The following SPATS2 variants were observed in gnomAD, a reference collection of about 807,000 sequenced individuals.
The protein encoded by SPATS2 is spermatogenesis associated serine rich 2, also known as spermatogenesis-associated serine-rich protein 2.
In SPATS2, 38 loss-of-function variants were observed where a neutral mutation model predicts 63.7. That is an observed-to-expected ratio of 0.60 (90% CI 0.46 to 0.78). The LOEUF (loss-of-function observed/expected upper bound fraction) is 0.78. Among genes scored for constraint, SPATS2 ranks in the 30% least tolerant of loss-of-function variants. The pLI, the probability that SPATS2 is intolerant of heterozygous loss-of-function variation, is 0.00. For synonymous variants in SPATS2, 207 were observed against 232.9 expected, an observed-to-expected ratio of 0.89 and a Z score of 1.01; for missense variants, 588 against 666.2, an observed-to-expected ratio of 0.88 and a Z score of 1.29.
At chr12:49,374,601 G>C (rs190858460) in intron 2 of SPATS2, among the ~76,000 whole-genome samples, 1 of 152,248 alleles carries the variant, frequency 6.6e-6, no homozygotes, top group East Asian at 1.9e-4. Flanking sequence ...TGCAGGGTCT[G>C]AGGATATAGA....
At chr12:49,490,486 A>G (rs74089525) in intron 5 of SPATS2, among the ~76,000 whole-genome samples, 196 bp from the exon 6 acceptor site, 13,236 of 152,196 alleles carry the variant, frequency 0.087, 644 homozygotes, top group African/African-American at 0.12. Flanking sequence ...GGAGGGGTCT[A>G]AGTAGGCAGG....
At chr12:49,489,382 T>C (rs1946347310) in intron 4 of SPATS2, 83 bp from the exon 5 acceptor site, 9 of 976,604 alleles carry the variant, frequency 9.2e-6, no homozygotes, top group Non-Finnish European at 1.2e-5. Context: ...GAAATATCAC[T>C]CTTTTCATTA....
At chr12:49,498,145 A>AAAATATATATATATATAT (rs66900382) in intron 8 of SPATS2, among the ~76,000 whole-genome samples, 57 of 98,936 alleles carry the variant, frequency 5.8e-4, no homozygotes, top group African/African-American at 2.3e-3. Flanking sequence ...AAAAAAAAAA[A>AAAATATATATATATATAT]ATATATATAT....
intron 3 of SPATS2, among the ~76,000 whole-genome samples, chr12:49,482,797 G>C (rs549719073): frequency 6.6e-5 from 10 of 151,706 alleles, no homozygotes; most frequent in African/African-American, 9.7e-5. Flanking sequence ...TTTGTTTTTT[G>C]TTTGTTTTTT....
intron 2 of SPATS2, among the ~76,000 whole-genome samples, chr12:49,426,045 A>G (rs1307107025): frequency 6.6e-6 from 1 of 152,244 alleles, no homozygotes; most frequent in Non-Finnish European, 1.5e-5. Context: ...CATAGTGGGA[A>G]GAGAAAAGCC....
At chr12:49,514,367 A>G in intron 9 of SPATS2, 188 bp from the exon 10 acceptor site, 2 of 548,130 alleles carry the variant, frequency 3.6e-6, no homozygotes, top group Non-Finnish European at 6.3e-6. Context: ...TATTTTATTT[A>G]TGGGAAAATC....
At chr12:49,497,627 C>G (rs962782785) in intron 8 of SPATS2, among the ~76,000 whole-genome samples, 2 of 152,052 alleles carry the variant, frequency 1.3e-5, no homozygotes, top group African/African-American at 4.8e-5. Context: ...ATCTCCTGAC[C>G]TCGTGATCCG....
intron 2 of SPATS2, among the ~76,000 whole-genome samples, chr12:49,413,676 T>A (rs1944838254): frequency 6.6e-6 from 1 of 152,170 alleles, no homozygotes; most frequent in Non-Finnish European, 1.5e-5. Context: ...AGGTCCAGGA[T>A]CTTGCTTTCT....
At chr12:49,500,237 T>G in intron 9 of SPATS2, 32 bp downstream of exon 9, 6 of 1,580,544 alleles carry the variant, frequency 3.8e-6, no homozygotes, top group Non-Finnish European at 5.1e-6. Context: ...ATCAGTAGCA[T>G]AAAAATGATC....
chr12:49,506,546 CA>C (rs1946657675), intron 9 of SPATS2, among the ~76,000 whole-genome samples: 1 of 152,148 alleles, frequency 6.6e-6, no homozygotes, highest in African/African-American at 2.4e-5. Flanking sequence ...CCACCCTTGA[CA>C]CTTGGCGATT....
chr12:49,477,696 A>C (rs144796868), intron 3 of SPATS2, among the ~76,000 whole-genome samples: 305 of 152,338 alleles, frequency 2.0e-3, no homozygotes, highest in African/African-American at 6.8e-3. Flanking sequence ...ACAATAGCAC[A>C]CTATAGTAAT....
At chr12:49,409,217 T>C (rs1943521080) in intron 2 of SPATS2, among the ~76,000 whole-genome samples, 2 of 152,192 alleles carry the variant, frequency 1.3e-5, no homozygotes, top group African/African-American at 2.4e-5. Context: ...ATCTTATCTT[T>C]TTAAAAGCTG....
In SPATS2 at chr12:49,414,659, C is replaced by T. The variant is rs184474861; in HGVS notation, c.-244+43369C>T. ...TTGCTCTGTCTCAAAGGCTGGAGTG[C>T]GGTGGTGTGATCATAGCTCACTGCA... On this transcript the variant is annotated intron_variant, in intron 2 of 13. Transcript: ENST00000552918. Among the ~76,000 whole-genome samples, 293 of 152,100 alleles carry T rather than the reference C, an allele frequency of 1.9e-3. 1 individual carries two copies. The highest frequency in any genetic ancestry group is 3.4e-3 in the Middle Eastern group (1 of 294).
chr12:49,417,521 C>A, intron 2 of SPATS2, among the ~76,000 whole-genome samples: 1 of 152,206 alleles, frequency 6.6e-6, no homozygotes, highest in East Asian at 1.9e-4. Context: ...CTTTGCTCAC[C>A]TTATGTGGTG....
chr12:49,445,823 C>A (rs1945500509), intron 2 of SPATS2, among the ~76,000 whole-genome samples: 1 of 151,850 alleles, frequency 6.6e-6, no homozygotes, highest in South Asian at 2.1e-4. Context: ...TCGTGCCTGG[C>A]CTGGCTTGCT....
Position 49,509,240 on chromosome 12 carries a change from T to G in SPATS2, c.840-5315T>G, listed in dbSNP as rs536083452. On this transcript the variant is annotated intron_variant, in intron 9 of 13. Coordinates refer to ENST00000552918, the MANE Select transcript of SPATS2 (RefSeq NM_023071.4). ...GTTACTCCATTGAAAGCCTGTCACA[T>G]GAGAACCGTGGCTTATGTTCACGTT... is the stretch of plus-strand genomic sequence containing the variant. Among the ~76,000 whole-genome samples, 12 of 151,112 alleles carry G rather than the reference T, an allele frequency of 7.9e-5. 1 individual carries two copies. The South Asian group carries it at 2.3e-3, about 29-fold the overall frequency.
At chr12:49,512,987 T>C in intron 9 of SPATS2, 1 of 1,147,656 alleles carries the variant, frequency 8.7e-7, no homozygotes, top group South Asian at 1.3e-5. Context: ...TTTGGATTAA[T>C]ATGTCAACCA....
chr12:49,490,125 T>C (rs1592450973), intron 5 of SPATS2: 1 of 153,080 alleles, frequency 6.5e-6, no homozygotes, highest in East Asian at 1.9e-4. Flanking sequence ...AAAAACTATC[T>C]GAAGCTATTG....
At chr12:49,368,094 C>T (rs1293898974) in intron 1 of SPATS2, among the ~76,000 whole-genome samples, 1 of 152,044 alleles carries the variant, frequency 6.6e-6, no homozygotes, top group South Asian at 2.1e-4. Context: ...GGCGAACAGA[C>T]GCAGAGACAT....
Sources: gnomAD v4.1 joint callset for allele counts (sites outside exome capture counted in the v4.1 genomes callset) on GRCh38, gnomAD v4.1.1 for gene constraint, MANE v1.5 for transcripts, NCBI Gene and HGNC (gene_info 2026-07-23, HGNC 2026-07-21) for gene names.